PLCL1: variants seen among roughly 807,000 people sequenced by gnomAD.
The protein encoded by PLCL1 is inactive phospholipase C-like protein 1.
In PLCL1, 41 loss-of-function variants were observed where a neutral mutation model predicts 84.4. The ratio of observed to expected loss-of-function variants is 0.49; its 90% CI spans 0.38 to 0.63. The LOEUF (loss-of-function observed/expected upper bound fraction) is 0.63. PLCL1 is among the 30% of genes least tolerant of loss of function. The pLI, the probability that PLCL1 is intolerant of heterozygous loss-of-function variation, is 0.00. For missense variants in PLCL1, 1,206 were observed against 1,367.8 expected, an observed-to-expected ratio of 0.88 and a Z score of 1.87; for synonymous variants, 490 against 488.3, an observed-to-expected ratio of 1.00 and a Z score of -0.05.
At chr2:197,888,878 A>G (rs1460133111) in intron 1 of PLCL1, among the ~76,000 whole-genome samples, 2 of 152,180 alleles carry the variant, frequency 1.3e-5, no homozygotes, top group African/African-American at 4.8e-5. Context: ...ATTAAATGCT[A>G]ATGAGTAATA....
intron 1 of PLCL1, among the ~76,000 whole-genome samples, chr2:197,993,811 A>G (rs1393866856): frequency 6.6e-6 from 1 of 152,100 alleles, no homozygotes; most frequent in Non-Finnish European, 1.5e-5. Context: ...GTCTGTGATA[A>G]TTTCCATCAA....
At chr2:197,969,960 T>C (rs1689827283) in intron 1 of PLCL1, among the ~76,000 whole-genome samples, 1 of 152,122 alleles carries the variant, frequency 6.6e-6, no homozygotes. Context: ...TTTGGGGTGG[T>C]TTGTATACAG....
chr2:197,876,959 G>A (rs1687746300), intron 1 of PLCL1, among the ~76,000 whole-genome samples: 1 of 152,058 alleles, frequency 6.6e-6, no homozygotes. Flanking sequence ...GCCAGCATAG[G>A]CCACTTTTCA....
At position 197,824,061 on chromosome 2, in the gene PLCL1, G is replaced by A. The variant is rs1194327832; in HGVS notation, c.240+18722G>A. On this transcript the variant is annotated intron_variant, in intron 1 of 5. Transcript: ENST00000428675. The stretch of plus-strand genomic sequence containing the variant: ...GAATTTGACACTATATTGTGTCCTT[G>A]GTTTTGATATATTTGTGTCCTTGGT... Among the ~76,000 whole-genome samples, 3 of 151,926 alleles carry A rather than the reference G, an allele frequency of 2.0e-5. No individual in the cohort carries two copies. The East Asian group carries it at 5.8e-4, about 29-fold the overall frequency.
At chr2:197,940,538 T>A (rs1559051347) in intron 1 of PLCL1, among the ~76,000 whole-genome samples, 1 of 152,246 alleles carries the variant, frequency 6.6e-6, no homozygotes. Context: ...CTGGCATTTT[T>A]CATTAAGGCT....
intron 1 of PLCL1, among the ~76,000 whole-genome samples, chr2:197,863,317 TAAAAATTTGTAAATTGTG>T (rs1319804135): frequency 6.6e-6 from 1 of 152,150 alleles, no homozygotes; most frequent in Non-Finnish European, 1.5e-5. Flanking sequence ...TTTTCTCCAT[TAAAAATTTGTAAATTGTG>T]TTTAAAAGTA....
chr2:197,975,509 T>C (rs549694810), intron 1 of PLCL1, among the ~76,000 whole-genome samples: 132 of 152,168 alleles, frequency 8.7e-4, no homozygotes, highest in Non-Finnish European at 1.6e-3. Flanking sequence ...TCTACATTTC[T>C]GTCTTTAAAA....
intron 5 of PLCL1, among the ~76,000 whole-genome samples, chr2:198,126,732 C>T (rs980004378): frequency 2.6e-5 from 4 of 152,140 alleles, no homozygotes; most frequent in South Asian, 4.2e-4. Flanking sequence ...TGGTGAGACC[C>T]CAGCTCTACA....
chr2:198,061,743 G>A (rs1692208536), intron 1 of PLCL1, among the ~76,000 whole-genome samples: 1 of 152,092 alleles, frequency 6.6e-6, no homozygotes, highest in South Asian at 2.1e-4. Context: ...GGGATTACAG[G>A]CATGTGCCAC....
intron 1 of PLCL1, among the ~76,000 whole-genome samples, chr2:197,942,609 T>C (rs1217939450): frequency 1.3e-5 from 2 of 152,214 alleles, no homozygotes; most frequent in East Asian, 3.8e-4. Flanking sequence ...TGATCTTTTT[T>C]AGAAATGAAA....
At chr2:197,886,523 C>G (rs1354065053) in intron 1 of PLCL1, among the ~76,000 whole-genome samples, 1 of 150,370 alleles carries the variant, frequency 6.7e-6, no homozygotes, top group Non-Finnish European at 1.5e-5. Context: ...GTGCATCTCC[C>G]TGGATTGTCA....
intron 1 of PLCL1, among the ~76,000 whole-genome samples, chr2:197,884,512 T>G (rs192401108): frequency 2.0e-5 from 3 of 152,332 alleles, no homozygotes; most frequent in African/African-American, 7.2e-5. Flanking sequence ...GATTGGTTAC[T>G]AAGGAAGAAG....
At chr2:197,906,578 G>T (rs913547177) in intron 1 of PLCL1, among the ~76,000 whole-genome samples, 2 of 152,110 alleles carry the variant, frequency 1.3e-5, no homozygotes, top group African/African-American at 4.8e-5. Context: ...GTTTAAACTA[G>T]TTTTTTCTAA....
intron 1 of PLCL1, among the ~76,000 whole-genome samples, chr2:197,907,504 G>C (rs1054076914): frequency 6.6e-6 from 1 of 152,070 alleles, no homozygotes; most frequent in Non-Finnish European, 1.5e-5. Flanking sequence ...AGTGTAGGTT[G>C]TTCCTCAGGG....
At chr2:197,932,948 G>T (rs1300810752) in intron 1 of PLCL1, among the ~76,000 whole-genome samples, 3 of 152,124 alleles carry the variant, frequency 2.0e-5, no homozygotes, top group African/African-American at 7.2e-5. Context: ...GTGAGGTTTA[G>T]GGCCAATCAA....
rs1455858828 is a variant in PLCL1 at position 197,866,174 on chromosome 2, A to G, written c.240+60835A>G. On this transcript the variant is annotated intron_variant, in intron 1 of 5. Transcript: ENST00000428675. ...TATATATAAACTATATATATATATA[A>G]ACTATATATATATATAAACTATATA... 2.3e-5 allele frequency among the ~76,000 whole-genome samples: 2 copies of G among 88,554 alleles called. 1 individual carries two copies. Among genetic ancestry groups the G allele is most frequent in the Non-Finnish European group, 4.1e-5 (2 of 48,316 alleles). 58.1% of individuals were successfully genotyped at this position (88,554 alleles called of 152,430 possible). A position where few individuals can be genotyped will look rare whatever the true frequency, so the allele number is the denominator to read the frequency against.
intron 1 of PLCL1, among the ~76,000 whole-genome samples, chr2:197,818,412 G>A (rs1690736248): frequency 6.6e-6 from 1 of 152,132 alleles, no homozygotes; most frequent in Non-Finnish European, 1.5e-5. Flanking sequence ...AAGTAGACTT[G>A]GAGGTTGGGG....
chr2:197,958,557 T>C (rs2105787576), intron 1 of PLCL1, among the ~76,000 whole-genome samples: 1 of 152,184 alleles, frequency 6.6e-6, no homozygotes, highest in East Asian at 1.9e-4. Flanking sequence ...CACATTGATC[T>C]TTGCTTTAGA....
chr2:198,035,223 C>T (rs1266603630), intron 1 of PLCL1, among the ~76,000 whole-genome samples: 3 of 152,126 alleles, frequency 2.0e-5, no homozygotes, highest in Non-Finnish European at 4.4e-5. Flanking sequence ...CTAGAGTGAA[C>T]CCATGTGCTG....
Sources: gnomAD v4.1 joint callset for allele counts (sites outside exome capture counted in the v4.1 genomes callset) on GRCh38, gnomAD v4.1.1 for gene constraint, MANE v1.5 for transcripts, NCBI Gene and HGNC (gene_info 2026-07-23, HGNC 2026-07-21) for gene names.